The following TERF1 variants were observed in gnomAD, a reference collection of about 807,000 sequenced individuals.
The protein encoded by TERF1 is telomeric repeat binding factor 1, also known as telomeric repeat-binding factor 1.
Under a neutral mutation model 55.1 loss-of-function variants are expected in TERF1, and 20 were observed. The observed-to-expected ratio is 0.36, with a 90% CI of 0.26 to 0.53. The LOEUF is 0.53. TERF1 is among the 20% of genes least tolerant of loss of function. TERF1 has a pLI of 0.91. For missense variants in TERF1, 439 were observed against 535.7 expected (o/e 0.82, Z 1.78); for synonymous variants, 168 against 181.2 (o/e 0.93, Z 0.59).
chr8:73,030,559 C>T (rs977036623), intron 7 of TERF1, 164 bp downstream of exon 7: 5 of 474,328 alleles, frequency 1.1e-5, no homozygotes, highest in African/African-American at 6.1e-5. Flanking sequence ...CTTGAAATTC[C>T]AAACTGTAGA....
At chr8:73,035,400 G>A (rs982729925) in intron 8 of TERF1, among the ~76,000 whole-genome samples, 1 of 151,486 alleles carries the variant, frequency 6.6e-6, no homozygotes, top group Non-Finnish European at 1.5e-5. Flanking sequence ...TTCTATTTCA[G>A]TCTGTGAATA....
chr8:73,041,736 G>A (rs1028429966), intron 9 of TERF1, among the ~76,000 whole-genome samples: 3 of 152,050 alleles, frequency 2.0e-5, no homozygotes, highest in Admixed American at 6.6e-5. Context: ...TTTTCCCTCC[G>A]CCTGTCAGAA....
chr8:73,026,718 G>T (rs1335303856), intron 5 of TERF1, among the ~76,000 whole-genome samples: 1 of 150,648 alleles, frequency 6.6e-6, no homozygotes, highest in Non-Finnish European at 1.5e-5. Context: ...TACAAGGAAA[G>T]ACCACCTTCG....
chr8:73,037,022 AATAT>A (rs949720406), intron 8 of TERF1, among the ~76,000 whole-genome samples: 85 of 139,314 alleles, frequency 6.1e-4, no homozygotes, highest in African/African-American at 2.1e-3. Flanking sequence ...TATAATATAT[AATAT>A]ATATAATATA....
chr8:73,020,559 A>G (rs1808707444), intron 2 of TERF1, 125 bp from the exon 3 acceptor site: 1 of 643,362 alleles, frequency 1.6e-6, no homozygotes, highest in Non-Finnish European at 2.3e-6. Context: ...CTAAACTGGT[A>G]TAAACAAGAA....
rs1808910892 is a variant in TERF1 at position 73,024,855 on chromosome 8, CAGAA to C, written c.662_665del (p.Lys221IlefsTer15). ...AAGCAAATTGCTTATGATAATCTCTCAGAAAGATACATTTCATTCCTTTTTTCAA... is the reference window on the plus strand; with the variant it reads ...AAGCAAATTGCTTATGATAATCTCTCAGATACATTTCATTCCTTTTTTCAA... On this transcript the variant is annotated frameshift_variant, in exon 5 of 10. Transcript: ENST00000276603. LOFTEE classifies it high-confidence loss of function. 2 of 1,586,826 alleles carry C rather than the reference CAGAA, an allele frequency of 1.3e-6. No homozygotes were observed. Among genetic ancestry groups the C allele is most frequent in the African/African-American group, 2.7e-5 (2 of 74,090 alleles).
At chr8:73,019,607 C>CTG (rs1808665905) in intron 2 of TERF1, among the ~76,000 whole-genome samples, 1 of 152,172 alleles carries the variant, frequency 6.6e-6, no homozygotes, top group Non-Finnish European at 1.5e-5. Flanking sequence ...TCATCGCTCA[C>CTG]TGAGCCTCAG....
Position 73,009,082 on chromosome 8 carries a change from C to A in TERF1, c.196C>A (p.Leu66Met). The A allele has an allele frequency of 6.2e-7, 1 of 1,609,104 alleles. No homozygotes were observed. The change falls in exon 1 of 10, where the codon CTG becomes ATG. Residue 66 changes from leucine (L) to methionine (M), a missense_variant. Transcript: ENST00000276603. ...GGAGGAGGAGGAGGAGGACGCGGGC[C>A]TGGTGGCCGAGGCCGAGGCCGTGGC... The part of the protein sequence containing the change: ...EEEEEEEDAG[L>M]VAEAEAVAAG...
intron 8 of TERF1, chr8:73,038,889 A>T: frequency 1.9e-6 from 1 of 523,538 alleles, no homozygotes; most frequent in Non-Finnish European, 2.8e-6. Flanking sequence ...GAAATGATTT[A>T]TTTAAAGACA....
intron 8 of TERF1, among the ~76,000 whole-genome samples, chr8:73,033,998 T>G (rs1434444034): frequency 6.6e-6 from 1 of 152,200 alleles, no homozygotes; most frequent in South Asian, 2.1e-4. Context: ...CAGGCTGGAA[T>G]GCAGTGCAGT....
At chr8:73,015,200 T>C (rs1231605422) in intron 2 of TERF1, among the ~76,000 whole-genome samples, 1 of 152,124 alleles carries the variant, frequency 6.6e-6, no homozygotes, top group Non-Finnish European at 1.5e-5. Flanking sequence ...ATCCTAGATA[T>C]AATAGGCCAG....
intron 1 of TERF1, 115 bp from the exon 2 acceptor site, chr8:73,013,780 T>C: frequency 1.6e-6 from 1 of 630,958 alleles, no homozygotes. Flanking sequence ...AATGTACAAC[T>C]CTAAATTTAT....
intron 2 of TERF1, among the ~76,000 whole-genome samples, chr8:73,017,204 A>T (rs1302304994): frequency 2.0e-5 from 3 of 152,214 alleles, no homozygotes; most frequent in Non-Finnish European, 4.4e-5. Context: ...TCAGTCAAGA[A>T]ATACTTATTT....
chr8:73,037,870 T>C (rs1337276593), intron 8 of TERF1, among the ~76,000 whole-genome samples: 4 of 114,674 alleles, frequency 3.5e-5, no homozygotes, highest in Non-Finnish European at 6.7e-5. Flanking sequence ...ATATGATATA[T>C]AATATATATA....
Position 73,020,952 on chromosome 8 carries a change from C to T in TERF1, c.537+147C>T, listed in dbSNP as rs1808723586. Reference sequence around the variant, plus strand: ...TTTGACCTTTGGTTTATAGTCTTAACATGAGCACTGGGGGCTGGAACTTAA... The same window carrying T: ...TTTGACCTTTGGTTTATAGTCTTAATATGAGCACTGGGGGCTGGAACTTAA... On this transcript the variant is annotated intron_variant, in intron 3 of 9. Coordinates refer to ENST00000276603, the MANE Select transcript of TERF1 (RefSeq NM_017489.3). 1.3e-5 allele frequency: 8 copies of T among 593,798 alleles called. No individual in the cohort carries two copies. The Middle Eastern group carries it at 1.8e-3, about 136-fold the overall frequency. The allele number at this position is 593,798 out of a possible 1,614,324, so 36.8% of individuals were successfully genotyped here.
intron 6 of TERF1, among the ~76,000 whole-genome samples, chr8:73,028,661 CAGA>C (rs1459800209): frequency 6.8e-6 from 1 of 147,754 alleles, no homozygotes. Context: ...TCTAGCAGCA[CAGA>C]AGCTTTGTTC....
At chr8:73,033,720 A>G (rs1301806271) in intron 8 of TERF1, among the ~76,000 whole-genome samples, 1 of 152,182 alleles carries the variant, frequency 6.6e-6, no homozygotes, top group East Asian at 1.9e-4. Context: ...AAAAAAGAGA[A>G]AACATGGTTT....
chr8:73,018,518 G>A (rs1273367633), intron 2 of TERF1, among the ~76,000 whole-genome samples: 1 of 151,958 alleles, frequency 6.6e-6, no homozygotes, highest in African/African-American at 2.4e-5. Context: ...TCTACTAAAA[G>A]TACAAAAATT....
intron 2 of TERF1, among the ~76,000 whole-genome samples, chr8:73,016,948 G>T (rs1163972204): frequency 6.6e-6 from 1 of 152,102 alleles, no homozygotes; most frequent in Non-Finnish European, 1.5e-5. Context: ...ATTCTCTCTG[G>T]AATTTTAGTT....
Sources: gnomAD v4.1 joint callset for allele counts (sites outside exome capture counted in the v4.1 genomes callset) on GRCh38, gnomAD v4.1.1 for gene constraint, MANE v1.5 for transcripts, NCBI Gene and HGNC (gene_info 2026-07-23, HGNC 2026-07-21) for gene names.